The following TOPAZ1 variants were observed in gnomAD, a reference collection of about 807,000 sequenced individuals.
TOPAZ1 encodes protein TOPAZ1.
A neutral mutation model predicts 172.2 loss-of-function variants in TOPAZ1; 66 were observed. The ratio of observed to expected loss-of-function variants is 0.38; its 90% confidence interval spans 0.31 to 0.47. TOPAZ1 has a LOEUF of 0.47. Ranked by LOEUF, TOPAZ1 falls within the 20% of genes least tolerant of loss-of-function variation. The pLI, the probability that TOPAZ1 is intolerant of heterozygous loss-of-function variation, is 0.99. For missense variants in TOPAZ1, 1,822 were observed against 1,972.4 expected, an observed-to-expected ratio of 0.92 and a Z score of 1.44; for synonymous variants, 681 against 683.9, an observed-to-expected ratio of 1.00 and a Z score of 0.07.
intron 8 of TOPAZ1, among the ~76,000 whole-genome samples, chr3:44,280,855 A>C (rs1195849237): frequency 6.6e-6 from 1 of 152,214 alleles, no homozygotes; most frequent in East Asian, 1.9e-4. Flanking sequence ...ATTGGGCCCC[A>C]GGGCAGGGTT....
intron 18 of TOPAZ1, among the ~76,000 whole-genome samples, chr3:44,326,211 G>A (rs996672566): frequency 3.3e-5 from 5 of 152,054 alleles, no homozygotes; most frequent in Non-Finnish European, 5.9e-5. Context: ...TTAGCTTTTT[G>A]CCAAACTGCC....
At chr3:44,307,696 G>T (rs1559544838) in intron 15 of TOPAZ1, among the ~76,000 whole-genome samples, 1 of 152,086 alleles carries the variant, frequency 6.6e-6, no homozygotes, top group Non-Finnish European at 1.5e-5. Context: ...TTTCACAATT[G>T]AATATATACG....
At chr3:44,298,336 G>T (rs1700222916) in intron 12 of TOPAZ1, among the ~76,000 whole-genome samples, 3 of 152,064 alleles carry the variant, frequency 2.0e-5, no homozygotes, top group Non-Finnish European at 2.9e-5. Context: ...CGCACCTGTA[G>T]TCCCAGCTAA....
Position 44,256,196 on chromosome 3 carries a change from G to A in TOPAZ1, c.2873G>A (p.Gly958Glu). 1 of 1,530,374 alleles carries A rather than the reference G, an allele frequency of 6.5e-7. No individual in the cohort carries two copies. The highest frequency in any genetic ancestry group is 8.8e-7 in the Non-Finnish European group (1 of 1,140,544). 94.8% of individuals were successfully genotyped at this position (1,530,374 alleles called of 1,614,324 possible). The change falls in exon 4 of 20, where the codon GGA becomes GAA. Residue 958 changes from glycine to glutamate, a missense_variant. Coordinates refer to ENST00000309765, the MANE Select transcript of TOPAZ1 (RefSeq NM_001145030.2). ...RDPKDVNTSL[G>E]EVANETSENE... ...CCCAAAGATGTAAACACTTCCTTAG[G>A]AGAAGTTGCTAATGAGACCTCTGAA...
intron 12 of TOPAZ1, among the ~76,000 whole-genome samples, chr3:44,295,368 T>TA (rs1258544047): frequency 2.0e-5 from 3 of 152,246 alleles, no homozygotes; most frequent in East Asian, 3.9e-4. Flanking sequence ...TTGCAGCCAT[T>TA]AAAAAATGAA....
At position 44,323,164 on chromosome 3, in the gene TOPAZ1, T is replaced by C; in HGVS notation, c.4544T>C (p.Leu1515Pro). The change falls in exon 18 of 20, where the codon CTT becomes CCT. Residue 1515 changes from leucine to proline, a missense_variant. By Grantham distance (98) the Leu-to-Pro change is moderately conservative. Coordinates refer to ENST00000309765, the MANE Select transcript of TOPAZ1 (RefSeq NM_001145030.2). ...GGTTCCTGTATAGAAAGCAGTAGTC[T>C]TGGTATGTCATCCTCTGTGGCAGAA... ...LLGSCIESSS[L>P]GMSSSVAEFM... The C allele has an allele frequency of 3.9e-6, 6 of 1,550,442 alleles. No individual in the cohort carries two copies. Among genetic ancestry groups the C allele is most frequent in the Non-Finnish European group, 5.2e-6 (6 of 1,146,092 alleles).
intron 8 of TOPAZ1, among the ~76,000 whole-genome samples, chr3:44,272,885 A>G (rs563032022): frequency 2.8e-4 from 43 of 152,282 alleles, no homozygotes; most frequent in African/African-American, 9.1e-4. Flanking sequence ...AAATTGGATT[A>G]CTTGTATTCT....
chr3:44,314,207 C>CT (rs1700428073), intron 16 of TOPAZ1, among the ~76,000 whole-genome samples: 1 of 152,010 alleles, frequency 6.6e-6, no homozygotes, highest in Non-Finnish European at 1.5e-5. Flanking sequence ...GATTACAGGC[C>CT]TGAGCCACTG....
intron 18 of TOPAZ1, among the ~76,000 whole-genome samples, chr3:44,325,626 T>C (rs1268214341): frequency 6.6e-6 from 1 of 151,992 alleles, no homozygotes; most frequent in Non-Finnish European, 1.5e-5. Context: ...ATTTAATACA[T>C]GTGTTTTAGT....
chr3:44,247,882 G>A (rs1289838221), intron 2 of TOPAZ1, among the ~76,000 whole-genome samples: 2 of 152,024 alleles, frequency 1.3e-5, no homozygotes, highest in Non-Finnish European at 2.9e-5. Flanking sequence ...AACTCCTGAT[G>A]TCAAGTGATC....
downstream of TOPAZ1, among the ~76,000 whole-genome samples, chr3:44,335,971 A>G (rs762866559): frequency 7.9e-5 from 12 of 152,338 alleles, no homozygotes; most frequent in Admixed American, 5.9e-4. Context: ...TACAAGCACT[A>G]CAAAGGCTTT....
chr3:44,255,662 A>AAAAT (rs1244611647), intron 3 of TOPAZ1, among the ~76,000 whole-genome samples: 16 of 80,012 alleles, frequency 2.0e-4, no homozygotes, highest in African/African-American at 9.2e-4. Flanking sequence ...AAAAAAAAAA[A>AAAAT]ATATATATAC....
downstream of TOPAZ1, among the ~76,000 whole-genome samples, chr3:44,334,248 A>T (rs535120269): frequency 2.0e-5 from 3 of 152,206 alleles, no homozygotes; most frequent in African/African-American, 7.2e-5. Context: ...CCCCTGACAG[A>T]TATCTTGGTC....
At chr3:44,284,267 C>T (rs1444263412) in intron 9 of TOPAZ1, among the ~76,000 whole-genome samples, 2 of 152,302 alleles carry the variant, frequency 1.3e-5, no homozygotes, top group South Asian at 2.1e-4. Context: ...TAAACAATAA[C>T]TCCTCATTAC....
chr3:44,282,280 A>G (rs1022595013), intron 9 of TOPAZ1, among the ~76,000 whole-genome samples: 1 of 152,212 alleles, frequency 6.6e-6, no homozygotes, highest in Non-Finnish European at 1.5e-5. Flanking sequence ...TAAGTGTAAG[A>G]TGGAGAAAAT....
chr3:44,304,193 T>TA (rs1447014654), intron 13 of TOPAZ1, 112 bp downstream of exon 13: 11 of 572,162 alleles, frequency 1.9e-5, no homozygotes, highest in Non-Finnish European at 2.7e-5. Context: ...ATGTGGCTGT[T>TA]ATACAGAGAA....
intron 6 of TOPAZ1, among the ~76,000 whole-genome samples, chr3:44,267,592 G>A (rs555758126): frequency 2.6e-5 from 4 of 152,188 alleles, no homozygotes; most frequent in Non-Finnish European, 5.9e-5. Flanking sequence ...ACCGCGCCCA[G>A]CCTACTTAGT....
At chr3:44,298,707 A>G (rs570002099) in intron 12 of TOPAZ1, among the ~76,000 whole-genome samples, 3 of 151,036 alleles carry the variant, frequency 2.0e-5, no homozygotes, top group Non-Finnish European at 4.4e-5. Context: ...TTGAACAGCC[A>G]TAGTAAAAAA....
At chr3:44,312,247 A>C (rs894465472) in intron 16 of TOPAZ1, among the ~76,000 whole-genome samples, 53 of 152,022 alleles carry the variant, frequency 3.5e-4, no homozygotes, top group South Asian at 1.9e-3. Flanking sequence ...AAAAAAAAAA[A>C]ACACAGGAAT....
Sources: gnomAD v4.1 joint callset for allele counts (sites outside exome capture counted in the v4.1 genomes callset) on GRCh38, gnomAD v4.1.1 for gene constraint, MANE v1.5 for transcripts, NCBI Gene and HGNC (gene_info 2026-07-23, HGNC 2026-07-21) for gene names.